The following FNDC3B variants were observed in gnomAD, a reference collection of about 807,000 sequenced individuals.
The protein encoded by FNDC3B is fibronectin type III domain containing 3B, also known as fibronectin type III domain-containing protein 3B.
A neutral mutation model predicts 151.5 loss-of-function variants in FNDC3B; 12 were observed. The observed-to-expected ratio is 0.08, with a 90% CI of 0.05 to 0.13. FNDC3B has a LOEUF of 0.13. Among genes scored for constraint, FNDC3B ranks in the 10% least tolerant of loss-of-function variants. The pLI, the probability that FNDC3B is intolerant of heterozygous loss-of-function variation, is 1.00. For synonymous variants in FNDC3B, 528 were observed against 549.0 expected, an observed-to-expected ratio of 0.96 and a Z score of 0.54; for missense variants, 1,214 against 1,505.3, an observed-to-expected ratio of 0.81 and a Z score of 3.20.
chr3:172,169,693 G>A (rs1209976237), intron 3 of FNDC3B, among the ~76,000 whole-genome samples: 1 of 152,210 alleles, frequency 6.6e-6, no homozygotes, highest in East Asian at 1.9e-4. Flanking sequence ...TCATTGGGAA[G>A]CATGTTACCT....
At chr3:172,232,396 G>C (rs1726936423) in intron 4 of FNDC3B, among the ~76,000 whole-genome samples, 1 of 152,198 alleles carries the variant, frequency 6.6e-6, no homozygotes, top group African/African-American at 2.4e-5. Flanking sequence ...AACTCCTGAA[G>C]TTTAACAGAC....
At chr3:172,368,906 GA>G (rs1234756690) in intron 23 of FNDC3B, among the ~76,000 whole-genome samples, 1 of 152,116 alleles carries the variant, frequency 6.6e-6, no homozygotes, top group East Asian at 1.9e-4. Context: ...AGCTACTCAG[GA>G]GCCTGAGGCA....
At chr3:172,079,126 TA>T (rs1341313412) in intron 1 of FNDC3B, among the ~76,000 whole-genome samples, 3 of 152,204 alleles carry the variant, frequency 2.0e-5, no homozygotes, top group African/African-American at 7.2e-5. Context: ...CCTAGATTTA[TA>T]AATGAATGAA....
At chr3:172,328,905 G>GGT in intron 11 of FNDC3B, 47 bp from the exon 12 acceptor site, 1 of 1,106,814 alleles carries the variant, frequency 9.0e-7, no homozygotes, top group South Asian at 1.7e-5. Context: ...GTTATCTGTT[G>GGT]TTTTTTTTTT....
intron 6 of FNDC3B, among the ~76,000 whole-genome samples, chr3:172,265,446 A>G (rs1576853356): frequency 6.6e-6 from 1 of 152,174 alleles, no homozygotes; most frequent in South Asian, 2.1e-4. Context: ...TAGATCAATA[A>G]TCTGTTTAAG....
intron 3 of FNDC3B, among the ~76,000 whole-genome samples, chr3:172,177,767 A>G (rs991801146): frequency 1.3e-5 from 2 of 151,424 alleles, no homozygotes; most frequent in African/African-American, 4.9e-5. Flanking sequence ...AATGTGTACT[A>G]TGGTGGTTTG....
rs1290373811 is a variant in FNDC3B, at chr3:172,380,974, G to A, written c.3184G>A (p.Val1062Ile). 2 of 1,613,160 alleles carry A rather than the reference G, an allele frequency of 1.2e-6. No homozygotes were observed. The highest frequency in any genetic ancestry group is 8.5e-7 in the Non-Finnish European group (1 of 1,179,410). ...GTGGATTTGTATTTCAGCACCTCGA[G>A]TAACACAGTTAGAAGGAAATTCATG... The part of the protein sequence containing the change: ...SVPPTIKAPR[V>I]TQLEGNSCEI... Residue 1062 changes from valine to isoleucine, a missense_variant, in exon 25 of 26, where the codon GTA becomes ATA. Coordinates refer to ENST00000415807, the MANE Select transcript of FNDC3B (RefSeq NM_022763.4).
intron 3 of FNDC3B, among the ~76,000 whole-genome samples, chr3:172,159,429 C>T (rs1722662739): frequency 6.6e-6 from 1 of 152,162 alleles, no homozygotes; most frequent in South Asian, 2.1e-4. Flanking sequence ...AACATTGCAT[C>T]CTATTCACTC....
At chr3:172,375,026 T>G (rs1169983344) in intron 23 of FNDC3B, among the ~76,000 whole-genome samples, 1 of 152,170 alleles carries the variant, frequency 6.6e-6, no homozygotes, top group African/African-American at 2.4e-5. Context: ...GTACCAAGTC[T>G]TTCTCATCCC....
At position 172,241,918 on chromosome 3, in the gene FNDC3B, C is replaced by T. The variant is rs1010100757; in HGVS notation, c.265-5615C>T. ...AAGCAAGTCCCTTCTACCTATCTGCCTATAAGCCTATAAAATCAAAAGCAA... is the reference window on the plus strand; with the variant it reads ...AAGCAAGTCCCTTCTACCTATCTGCTTATAAGCCTATAAAATCAAAAGCAA... On this transcript the variant is annotated intron_variant, in intron 4 of 25. Coordinates refer to ENST00000415807, the MANE Select transcript of FNDC3B (RefSeq NM_022763.4). Among the ~76,000 whole-genome samples, 6 of 152,310 alleles carry T rather than the reference C, an allele frequency of 3.9e-5. No individual in the cohort carries two copies. In the South Asian group the frequency reaches 1.2e-3, roughly 32 times the overall value.
intron 3 of FNDC3B, among the ~76,000 whole-genome samples, chr3:172,168,485 A>G (rs1253468339): frequency 6.6e-6 from 1 of 152,230 alleles, no homozygotes; most frequent in Non-Finnish European, 1.5e-5. Context: ...GATAGCTTCT[A>G]TCACATGCGA....
At chr3:172,279,974 C>T (rs769479556) in intron 6 of FNDC3B, among the ~76,000 whole-genome samples, 10 of 152,086 alleles carry the variant, frequency 6.6e-5, no homozygotes, top group Admixed American at 2.0e-4. Flanking sequence ...AGTGCAGTGG[C>T]GCCATCTCAG....
At chr3:172,337,114 C>G (rs893820204) in intron 15 of FNDC3B, among the ~76,000 whole-genome samples, 12 of 152,062 alleles carry the variant, frequency 7.9e-5, no homozygotes, top group African/African-American at 2.9e-4. Context: ...ATTTCTATAT[C>G]TAAGAACTTT....
chr3:172,198,491 T>G (rs575694276), intron 3 of FNDC3B, among the ~76,000 whole-genome samples: 1 of 152,306 alleles, frequency 6.6e-6, no homozygotes, highest in Admixed American at 6.5e-5. Context: ...CTCAAGGGGT[T>G]GTTCTAATTC....
chr3:172,206,369 A>G (rs1208575222), intron 3 of FNDC3B, among the ~76,000 whole-genome samples: 2 of 152,162 alleles, frequency 1.3e-5, no homozygotes, highest in African/African-American at 4.8e-5. Context: ...AAGAAAGTGT[A>G]CTTGAAAGGC....
At chr3:172,272,912 AG>A (rs2108805822) in intron 6 of FNDC3B, among the ~76,000 whole-genome samples, 1 of 98,618 alleles carries the variant, frequency 1.0e-5, no homozygotes, top group Admixed American at 1.2e-4. Context: ...ACAGCTGGTG[AG>A]CAGATGGAAT....
chr3:172,144,286 T>C (rs1425147931), intron 3 of FNDC3B, among the ~76,000 whole-genome samples: 1 of 152,132 alleles, frequency 6.6e-6, no homozygotes. Context: ...GAGGGACCCA[T>C]CCTCACAATC....
At chr3:172,297,670 T>G (rs1730695069) in intron 8 of FNDC3B, among the ~76,000 whole-genome samples, 1 of 151,978 alleles carries the variant, frequency 6.6e-6, no homozygotes, top group African/African-American at 2.4e-5. Context: ...GAGACGGGGT[T>G]TCACCGTGTT....
chr3:172,316,628 G>C (rs1313156462), intron 11 of FNDC3B, among the ~76,000 whole-genome samples: 1 of 152,180 alleles, frequency 6.6e-6, no homozygotes, highest in Non-Finnish European at 1.5e-5. Context: ...TTTAAGTTCT[G>C]CCTTAAGATA....
Sources: allele counts gnomAD v4.1 joint callset (sites outside exome capture counted in the v4.1 genomes callset), GRCh38; gene constraint gnomAD v4.1.1; transcripts MANE v1.5; gene names NCBI Gene and HGNC (gene_info 2026-07-23, HGNC 2026-07-21).